The following SRC variants were observed in gnomAD, a reference collection of about 807,000 sequenced individuals.
The protein encoded by SRC is proto-oncogene tyrosine-protein kinase Src.
In SRC, 13 loss-of-function variants were observed where a neutral mutation model predicts 62.9. That is an observed-to-expected ratio of 0.21 (90% CI 0.13 to 0.33). SRC has a LOEUF of 0.33. Ranked by LOEUF, SRC falls within the 10% of genes least tolerant of loss-of-function variation. The pLI is 1.00. For missense variants in SRC, 457 were observed against 737.3 expected (o/e 0.62, Z 4.40); for synonymous variants, 302 against 317.5 (o/e 0.95, Z 0.52).
Position 37,384,633 on chromosome 20 carries a change from G to A in SRC, c.250+230G>A, listed in dbSNP as rs1312354848. On this transcript the variant is annotated intron_variant, in intron 4 of 13. Coordinates refer to ENST00000373578, the MANE Select transcript of SRC (RefSeq NM_198291.3). This position sits in a 1 kb window ranked among gnomAD's most constrained non-coding sequence, Gnocchi z 6.7. ...GGAGCAAGCGCAAAAGACACGGGGT[G>A]TGGTTAATGGGTTCTAATTGGACGC... Among the ~76,000 whole-genome samples the A allele has an allele frequency of 6.6e-6, 1 of 151,848 alleles. No homozygotes were observed. The highest frequency in any genetic ancestry group is 6.5e-5 in the Admixed American group (1 of 15,274).
chr20:37,374,091 T>G (rs1412985062), intron 2 of SRC, among the ~76,000 whole-genome samples: 1 of 151,894 alleles, frequency 6.6e-6, no homozygotes, highest in Non-Finnish European at 1.5e-5. Context: ...ATTTTTTTTT[T>G]TTTTTTTAGA....
chr20:37,389,331 T>C (rs2070508415), intron 5 of SRC, among the ~76,000 whole-genome samples: 1 of 152,254 alleles, frequency 6.6e-6, no homozygotes, highest in African/African-American at 2.4e-5. Flanking sequence ...GAGCTTCTTT[T>C]GGGAGTTTTC....
rs2070418959 is a variant in SRC, at chr20:37,384,549, GT to G, written c.250+147del. On this transcript the variant is annotated intron_variant, in intron 4 of 13. Transcript: ENST00000373578. The surrounding 1 kb of genome is among the most constrained non-coding windows in gnomAD (Gnocchi z 6.7). Reference sequence around the variant, plus strand: ...CCTGGGTGACTTGGGTGTCCGGGGGGTGGGGGGGCGGCCGTACACACTGTGA... The same window carrying G: ...CCTGGGTGACTTGGGTGTCCGGGGGGGGGGGGGCGGCCGTACACACTGTGA... 8 of 937,894 alleles carry G rather than the reference GT, an allele frequency of 8.5e-6. No individual in the cohort carries two copies. The highest frequency in any genetic ancestry group is 3.8e-5 in the East Asian group (1 of 26,552). The allele number at this position is 937,894 out of a possible 1,614,324, so 58.1% of individuals were successfully genotyped here.
In SRC at chr20:37,396,178, A is replaced by G. The variant is rs750597214; in HGVS notation, c.570A>G (p.Ser190=). Residue 190 remains serine (S), a synonymous_variant, in exon 8 of 14, where the codon TCA becomes TCG. Transcript: ENST00000373578. This position sits in a 1 kb window ranked among gnomAD's most constrained non-coding sequence, Gnocchi z 6.1. ...GCCCCGCAGGTGCCTACTGCCTCTC[A>G]GTGTCTGACTTCGACAACGCCAAGG... ...SETTKGAYCL[S]VSDFDNAKGL... The G allele has an allele frequency of 7.4e-6, 12 of 1,613,342 alleles. No homozygotes were observed. Among genetic ancestry groups the G allele is most frequent in the South Asian group, 3.3e-5 (3 of 91,064 alleles).
Position 37,402,420 on chromosome 20 carries a change from C to T in SRC, c.1117-15C>T, listed in dbSNP as rs1338950629. 17 of 1,608,752 alleles carry T rather than the reference C, an allele frequency of 1.1e-5. No individual in the cohort carries two copies. Among genetic ancestry groups the T allele is most frequent in the Middle Eastern group, 1.8e-4 (1 of 5,654 alleles). ...GGGTGGCACCTGAGCCAGGCTCCCACGGTTCCGCCTGCAGATCGCCTCAGG... is the reference window on the plus strand; with the variant it reads ...GGGTGGCACCTGAGCCAGGCTCCCATGGTTCCGCCTGCAGATCGCCTCAGG... On this transcript the variant is annotated splice_polypyrimidine_tract_variant and intron_variant, in intron 11 of 13. Coordinates refer to ENST00000373578, the MANE Select transcript of SRC (RefSeq NM_198291.3). This position sits in a 1 kb window ranked among gnomAD's most constrained non-coding sequence, Gnocchi z 6.2.
intron 1 of SRC, among the ~76,000 whole-genome samples, chr20:37,364,063 A>C: frequency 6.7e-6 from 1 of 148,880 alleles, no homozygotes. Context: ...CCCGCCTCCC[A>C]CCTCTCCCCT....
At chr20:37,389,490 C>T (rs1239152475) in intron 5 of SRC, among the ~76,000 whole-genome samples, 2 of 152,188 alleles carry the variant, frequency 1.3e-5, no homozygotes, top group African/African-American at 2.4e-5. Flanking sequence ...ACCCCTGCCT[C>T]GCTCCTCCCT....
Position 37,402,150 on chromosome 20 carries a change from G to A in SRC, c.1117-285G>A, listed in dbSNP as rs147206609. 6.3e-4 allele frequency: 259 copies of A among 411,724 alleles called. No individual in the cohort carries two copies. The highest frequency in any genetic ancestry group is 4.6e-3 in the African/African-American group (225 of 49,192). 25.5% of individuals were successfully genotyped at this position (411,724 alleles called of 1,614,324 possible). ...ACTCATCTGTGTCTGGGTCCGCTGG[G>A]GCCTCTTTCCCTGGTCACCTCGCTT... On this transcript the variant is annotated intron_variant, in intron 11 of 13. Transcript: ENST00000373578. This position sits in a 1 kb window ranked among gnomAD's most constrained non-coding sequence, Gnocchi z 6.2.
intron 2 of SRC, among the ~76,000 whole-genome samples, chr20:37,380,650 C>A (rs959660105): frequency 2.2e-4 from 34 of 152,124 alleles, no homozygotes; most frequent in Admixed American, 2.0e-3. Flanking sequence ...TCCAGAGCAC[C>A]TAGTGGGTGT....
chr20:37,358,197 G>A (rs956027117), intron 1 of SRC, among the ~76,000 whole-genome samples: 7 of 152,216 alleles, frequency 4.6e-5, no homozygotes, highest in African/African-American at 1.7e-4. Context: ...GTGAAGTGCC[G>A]AACTGATGTC....
chr20:37,381,529 T>A (rs2070365439), intron 2 of SRC, among the ~76,000 whole-genome samples: 1 of 152,176 alleles, frequency 6.6e-6, no homozygotes, highest in Non-Finnish European at 1.5e-5. Flanking sequence ...TTTAAAAAAA[T>A]TTTTACTTCC....
intron 2 of SRC, among the ~76,000 whole-genome samples, chr20:37,379,324 G>T (rs2070326164): frequency 6.6e-6 from 1 of 152,140 alleles, no homozygotes; most frequent in Non-Finnish European, 1.5e-5. Context: ...TGGCGGAAGA[G>T]ATGAGGGGGG....
chr20:37,370,979 TTCTTCTTCTTC>T (rs995131554), intron 2 of SRC, among the ~76,000 whole-genome samples: 8 of 138,184 alleles, frequency 5.8e-5, no homozygotes, highest in African/African-American at 1.6e-4. Flanking sequence ...CTTCTTCTTC[TTCTTCTTCTTC>T]TTTTTTTTTT....
intron 1 of SRC, among the ~76,000 whole-genome samples, chr20:37,349,770 G>A (rs2069775794): frequency 6.6e-6 from 1 of 152,200 alleles, no homozygotes; most frequent in African/African-American, 2.4e-5. Flanking sequence ...CCGCCAATGT[G>A]CAGGGTGACT....
intron 3 of SRC, among the ~76,000 whole-genome samples, chr20:37,383,007 A>G (rs750623840): frequency 9.2e-5 from 14 of 152,214 alleles, no homozygotes; most frequent in Admixed American, 4.6e-4. Flanking sequence ...GCTCTTAAAT[A>G]GTCACTCATT....
intron 1 of SRC, among the ~76,000 whole-genome samples, chr20:37,353,469 A>C (rs2069836204): frequency 6.6e-6 from 1 of 151,888 alleles, no homozygotes; most frequent in African/African-American, 2.4e-5. Flanking sequence ...TTTTCCTCCC[A>C]CTTCTGAAGG....
chr20:37,389,926 G>T (rs2070519416), intron 5 of SRC, among the ~76,000 whole-genome samples: 1 of 152,164 alleles, frequency 6.6e-6, no homozygotes, highest in Non-Finnish European at 1.5e-5. Context: ...CCGGGGGAAG[G>T]TGCTGGATGC....
chr20:37,359,480 T>C (rs1343556715), intron 1 of SRC, among the ~76,000 whole-genome samples: 1 of 151,738 alleles, frequency 6.6e-6, no homozygotes, highest in African/African-American at 2.4e-5. Context: ...CGCAATTAGA[T>C]GGTGGCCAGG....
intron 5 of SRC, among the ~76,000 whole-genome samples, chr20:37,391,226 C>G (rs935771670): frequency 6.6e-6 from 1 of 152,208 alleles, no homozygotes. Flanking sequence ...GGCCCCTTCC[C>G]GCTGTGGCCT....
Sources: gnomAD v4.1 joint callset for allele counts (sites outside exome capture counted in the v4.1 genomes callset) on GRCh38, gnomAD v4.1.1 for gene constraint, Gnocchi (gnomAD v3.1) non-coding constraint, MANE v1.5 for transcripts, NCBI Gene and HGNC (gene_info 2026-07-23, HGNC 2026-07-21) for gene names.